ZNF697: variants seen among roughly 807,000 people sequenced by gnomAD.
The protein encoded by ZNF697 is zinc finger protein 697.
Under a neutral mutation model 32.4 loss-of-function variants are expected in ZNF697, and 23 were observed. The observed-to-expected ratio is 0.71, with a 90% CI of 0.51 to 1.01. The LOEUF is 1.01. ZNF697 is among the 50% of genes least tolerant of loss of function. ZNF697 has a pLI of 0.00. For synonymous variants in ZNF697, 418 were observed against 337.2 expected, an observed-to-expected ratio of 1.24 and a Z score of -2.62; for missense variants, 930 against 794.0, an observed-to-expected ratio of 1.17 and a Z score of -2.06.
At chr1:119,631,236 C>T (rs370379925) in intron 1 of ZNF697, among the ~76,000 whole-genome samples, 21 of 152,376 alleles carry the variant, frequency 1.4e-4, no homozygotes, top group African/African-American at 4.6e-4. Context: ...TGTCACGCGG[C>T]CCCTGGCGTG....
At position 119,623,141 on chromosome 1, in the gene ZNF697, C is replaced by G; in HGVS notation, c.1202G>C (p.Arg401Pro). ...SWRSDLVKHQ[R>P]VHTGEKPYMC... is the part of the protein sequence containing the mutation. ...GTAGGGCTTCTCGCCCGTGTGCACGCGCTGGTGCTTCACCAAGTCCGAGCG... is the reference window on the plus strand; with the variant it reads ...GTAGGGCTTCTCGCCCGTGTGCACGGGCTGGTGCTTCACCAAGTCCGAGCG... Residue 401 changes from arginine to proline, a missense_variant, in exon 3 of 3, where the codon CGC becomes CCC. Coordinates refer to ENST00000421812, the MANE Select transcript of ZNF697 (RefSeq NM_001080470.2). 4.4e-6 allele frequency: 7 copies of G among 1,590,172 alleles called. No homozygotes were observed. The highest frequency in any genetic ancestry group is 6.0e-6 in the Non-Finnish European group (7 of 1,168,704).
intron 1 of ZNF697, among the ~76,000 whole-genome samples, chr1:119,627,774 C>T (rs587766309): frequency 2.8e-4 from 43 of 152,068 alleles, no homozygotes; most frequent in East Asian, 1.9e-4. Context: ...TCCTTTAGAA[C>T]GTATACTGTT....
rs1648274512 is a variant in ZNF697 at position 119,620,418 on chromosome 1, A to T, written c.*2287T>A. 1 of 152,660 alleles carries T rather than the reference A, an allele frequency of 6.6e-6. No homozygotes were observed. Among genetic ancestry groups the T allele is most frequent in the African/African-American group, 2.4e-5 (1 of 41,456 alleles). The allele number at this position is 152,660 out of a possible 1,614,324, so 9.5% of individuals were successfully genotyped here. A position where few individuals can be genotyped will look rare whatever the true frequency, so the allele number is the denominator to read the frequency against. On this transcript the variant is annotated 3_prime_UTR_variant, in exon 3 of 3. Coordinates refer to ENST00000421812, the MANE Select transcript of ZNF697 (RefSeq NM_001080470.2). Reference sequence around the variant, plus strand: ...CAATCCATGAATAATCAAAAGTTGGATGAGATTTCATAGGCACAGACTTGA... The same window carrying T: ...CAATCCATGAATAATCAAAAGTTGGTTGAGATTTCATAGGCACAGACTTGA...
At chr1:119,636,409 C>A (rs1387903180) in intron 1 of ZNF697, among the ~76,000 whole-genome samples, 1 of 112,560 alleles carries the variant, frequency 8.9e-6, no homozygotes, top group African/African-American at 2.7e-5. Flanking sequence ...ATTTCCTTAT[C>A]ATAACAATTC....
chr1:119,640,130 T>C (rs1217519726), intron 1 of ZNF697, among the ~76,000 whole-genome samples: 1 of 152,248 alleles, frequency 6.6e-6, no homozygotes, highest in Non-Finnish European at 1.5e-5. Flanking sequence ...AATTCATATC[T>C]TATTTTTGGC....
Position 119,623,624 on chromosome 1 carries a change from A to G in ZNF697, c.719T>C (p.Val240Ala), listed in dbSNP as rs926109175. The G allele has an allele frequency of 3.9e-5, 19 of 481,056 alleles. No homozygotes were observed. The African/African-American group carries it at 4.7e-4, about 12-fold the overall frequency. The allele number at this position is 481,056 out of a possible 1,614,324, so 29.8% of individuals were successfully genotyped here. The change falls in exon 3 of 3, where the codon GTG becomes GCG. Residue 240 changes from valine to alanine, a missense_variant. Physicochemically the swap from Val to Ala is moderately conservative, Grantham distance 64 (BLOSUM62 0). Transcript: ENST00000421812. ...GGCCCCGAAGCCCCCCGCCACACCC[A>G]CCCCCATCATGCCCACCATCGCGTC... The part of the protein sequence containing the change: ...ECDAMVGMMG[V>A]GVAGGFGAGP...
chr1:119,625,134 T>G (rs141976227), intron 2 of ZNF697, among the ~76,000 whole-genome samples: 16 of 151,968 alleles, frequency 1.1e-4, no homozygotes, highest in African/African-American at 3.6e-4. Flanking sequence ...GTGAAAGGCC[T>G]CACATGTGCC....
At chr1:119,633,869 G>A (rs926587841) in intron 1 of ZNF697, among the ~76,000 whole-genome samples, 2 of 136,446 alleles carry the variant, frequency 1.5e-5, no homozygotes, top group African/African-American at 5.5e-5. Flanking sequence ...GAGGATGGCA[G>A]GGAAAAATCA....
In ZNF697 at chr1:119,623,258, A is replaced by C; in HGVS notation, c.1085T>G (p.Phe362Cys). 6.5e-7 allele frequency: 1 copy of C among 1,546,294 alleles called. No individual in the cohort carries two copies. Among genetic ancestry groups the C allele is most frequent in the Non-Finnish European group, 8.7e-7 (1 of 1,149,718 alleles). The change falls in exon 3 of 3, where the codon TTC becomes TGC. Residue 362 changes from phenylalanine (F) to cysteine (C), a missense_variant. Coordinates refer to ENST00000421812, the MANE Select transcript of ZNF697 (RefSeq NM_001080470.2). ...GTTGGCCAGGTGCGAACGGCGCACG[A>C]AGCCCTTGCCGCACTCCCCGCAGGC... is the stretch of plus-strand genomic sequence containing the variant. Reference protein sequence around the residue: ...PFACGECGKGFVRRSHLANHQ... With the variant: ...PFACGECGKGCVRRSHLANHQ...
chr1:119,625,979 G>A lies in ZNF697; in HGVS notation c.122C>T (p.Ser41Phe). 6.2e-7 allele frequency: 1 copy of A among 1,614,030 alleles called. No individual in the cohort carries two copies. The highest frequency in any genetic ancestry group is 1.3e-5 in the African/African-American group (1 of 75,042). ...TCTCTTGTTTGTGTCATGTGGATTAGAGCCCATTTCTCTTTCTTCTGGGTC... is the reference window on the plus strand; with the variant it reads ...TCTCTTGTTTGTGTCATGTGGATTAAAGCCCATTTCTCTTTCTTCTGGGTC... ...EGDPEEREMG[S>F]NPHDTNKREG... is the part of the protein sequence containing the mutation. Residue 41 changes from serine to phenylalanine, a missense_variant, in exon 2 of 3, where the codon TCT becomes TTT. Ser to Phe is a radical substitution (Grantham distance 155). Coordinates refer to ENST00000421812, the MANE Select transcript of ZNF697 (RefSeq NM_001080470.2).
At position 119,623,691 on chromosome 1, in the gene ZNF697, C is replaced by T. The variant is rs1648457503; in HGVS notation, c.652G>A (p.Ala218Thr). Reference protein sequence around the residue: ...QRIHRLAEAAAAASLEPFGLA... With the variant: ...QRIHRLAEAATAASLEPFGLA... ...CCGAAGGGCTCCAGGCTGGCGGCGG[C>T]AGCGGCCTCAGCCAGGCGGTGAATG... The change falls in exon 3 of 3, where the codon GCC becomes ACC. Residue 218 changes from alanine (A) to threonine (T), a missense_variant. Physicochemically the swap from Ala to Thr is moderately conservative, Grantham distance 58. Transcript: ENST00000421812. 2.0e-6 allele frequency: 3 copies of T among 1,523,010 alleles called. No homozygotes were observed. Among genetic ancestry groups the T allele is most frequent in the African/African-American group, 1.4e-5 (1 of 72,020 alleles). 94.3% of individuals were successfully genotyped at this position (1,523,010 alleles called of 1,614,324 possible).
intron 1 of ZNF697, among the ~76,000 whole-genome samples, chr1:119,638,506 T>C (rs1648982934): frequency 6.6e-6 from 1 of 152,196 alleles, no homozygotes; most frequent in South Asian, 2.1e-4. Flanking sequence ...GACACTCTCC[T>C]TGGAAATTCT....
chr1:119,623,800 C>CACCA lies in ZNF697; in HGVS notation c.539_542dup (p.Ala182GlyfsTer35). The CACCA allele has an allele frequency of 1.3e-6, 2 of 1,547,838 alleles. No individual in the cohort carries two copies. The highest frequency in any genetic ancestry group is 1.7e-6 in the Non-Finnish European group (2 of 1,146,360). On this transcript the variant is annotated frameshift_variant, in exon 3 of 3. Coordinates refer to ENST00000421812, the MANE Select transcript of ZNF697 (RefSeq NM_001080470.2). LOFTEE classifies it high-confidence loss of function. Reference sequence around the variant, plus strand: ...TGGTGGGCGCGTCCATGATGCTGGCCACCAGGCTATCCAGCTCCCCGAGGT... The same window carrying CACCA: ...TGGTGGGCGCGTCCATGATGCTGGCCACCAACCAGGCTATCCAGCTCCCCGAGGT...
chr1:119,623,575 C>A lies in ZNF697; in HGVS notation c.768G>T (p.Pro256=). 2.7e-6 allele frequency: 4 copies of A among 1,475,574 alleles called. No individual in the cohort carries two copies. Among genetic ancestry groups the A allele is most frequent in the Middle Eastern group, 2.3e-4 (1 of 4,336 alleles). 91.4% of individuals were successfully genotyped at this position (1,475,574 alleles called of 1,614,324 possible). ...CCCCGCAGCGGAAGGGCTTTTCGCG[C>A]GGGGGCCGGGCCAGCGGGGGCCCGG... ...FGAGPPLARP[P]REKPFRCGEC... The change falls in exon 3 of 3, where the codon CCG becomes CCT. Residue 256 remains proline, a synonymous_variant. Coordinates refer to ENST00000421812, the MANE Select transcript of ZNF697 (RefSeq NM_001080470.2).
At chr1:119,633,646 CA>C (rs1648846134) in intron 1 of ZNF697, among the ~76,000 whole-genome samples, 2 of 152,186 alleles carry the variant, frequency 1.3e-5, no homozygotes, top group South Asian at 4.1e-4. Context: ...ATCTAAAAAA[CA>C]TACTCACAAA....
At chr1:119,633,790 A>T (rs1471639335) in intron 1 of ZNF697, among the ~76,000 whole-genome samples, 1 of 152,214 alleles carries the variant, frequency 6.6e-6, no homozygotes, top group Non-Finnish European at 1.5e-5. Flanking sequence ...TTACGCATTT[A>T]AACATTTTTC....
chr1:119,643,991 A>G (rs1649143652), intron 1 of ZNF697, among the ~76,000 whole-genome samples: 6 of 152,254 alleles, frequency 3.9e-5, no homozygotes. Flanking sequence ...CCATTTCTGC[A>G]TTTTAGTCAT....
intron 2 of ZNF697, among the ~76,000 whole-genome samples, chr1:119,624,630 T>C (rs1314399948): frequency 1.3e-5 from 2 of 152,230 alleles, no homozygotes; most frequent in Non-Finnish European, 2.9e-5. Context: ...AGTCTTGCTC[T>C]GTCGTCCAGG....
At position 119,636,652 on chromosome 1, in the gene ZNF697, A is replaced by G. The variant is rs186216456; in HGVS notation, c.-37-10515T>C. Among the ~76,000 whole-genome samples the G allele has an allele frequency of 4.6e-5, 7 of 152,246 alleles. No individual in the cohort carries two copies. In the East Asian group the frequency reaches 7.7e-4, roughly 17 times the overall value. ...CTTTGGTGATCTCACCTAACACCCT[A>G]TTTTACAGATGAGTCAGGCAATGGA... On this transcript the variant is annotated intron_variant, in intron 1 of 2. Coordinates refer to ENST00000421812, the MANE Select transcript of ZNF697 (RefSeq NM_001080470.2).
Sources: allele counts gnomAD v4.1 joint callset (sites outside exome capture counted in the v4.1 genomes callset), GRCh38; gene constraint gnomAD v4.1.1; transcripts MANE v1.5; gene names NCBI Gene and HGNC (gene_info 2026-07-23, HGNC 2026-07-21).